The following NRG3 variants were observed in gnomAD, a reference collection of about 807,000 sequenced individuals.
NRG3 encodes pro-neuregulin-3, membrane-bound isoform.
NRG3 carries 31 observed loss-of-function variants against 66.9 expected under a neutral mutation model. That is an observed-to-expected ratio of 0.46 (90% confidence interval 0.35 to 0.63). The LOEUF (loss-of-function observed/expected upper bound fraction) is 0.63, where lower values mean the gene tolerates loss of function less well. Among genes scored for constraint, NRG3 ranks in the 20% least tolerant of loss-of-function variants. The probability of loss-of-function intolerance (pLI) is 0.00; values close to 1 mark genes in which losing one functional copy is unlikely to be tolerated. For synonymous variants in NRG3, 393 were observed against 359.4 expected, an observed-to-expected ratio of 1.09 and a Z score of -1.06; for missense variants, 910 against 878.9, an observed-to-expected ratio of 1.04 and a Z score of -0.45.
intron 1 of NRG3, among the ~76,000 whole-genome samples, chr10:81,915,084 A>C (rs1406432927): frequency 6.6e-6 from 1 of 152,210 alleles, no homozygotes; most frequent in Admixed American, 6.5e-5. Flanking sequence ...TAACTTATTA[A>C]AAGTTTGCTT....
chr10:82,789,141 A>G (rs1423311460), intron 3 of NRG3, among the ~76,000 whole-genome samples: 1 of 152,116 alleles, frequency 6.6e-6, no homozygotes, highest in African/African-American at 2.4e-5. Flanking sequence ...AATTTTCTTC[A>G]TATTCTTACC....
In NRG3 at chr10:82,726,222, T is replaced by C. The variant is rs146485391; in HGVS notation, c.954-12355T>C. 5.6e-3 allele frequency among the ~76,000 whole-genome samples: 859 copies of C among 152,276 alleles called. 4 individuals are homozygous for C. The highest frequency in any genetic ancestry group is 0.01 in the South Asian group (49 of 4,826). Reference sequence around the variant, plus strand: ...GGTATTTTGTTACAGCAGCCCAACCTGATTTATACAGTAACTTTAGGATGT... The same window carrying C: ...GGTATTTTGTTACAGCAGCCCAACCCGATTTATACAGTAACTTTAGGATGT... On this transcript the variant is annotated intron_variant, in intron 2 of 8. Transcript: ENST00000372141.
chr10:82,370,004 T>A (rs1045139818), intron 2 of NRG3, among the ~76,000 whole-genome samples: 3 of 138,248 alleles, frequency 2.2e-5, no homozygotes, highest in Non-Finnish European at 4.4e-5. Context: ...CGGGGGCAGG[T>A]GCTTTGGCTC....
At chr10:82,523,420 T>C (rs1846389536) in intron 2 of NRG3, among the ~76,000 whole-genome samples, 1 of 151,564 alleles carries the variant, frequency 6.6e-6, no homozygotes, top group Non-Finnish European at 1.5e-5. Context: ...TTCTAATAAT[T>C]GTCATTGTTT....
chr10:82,497,395 A>T (rs1843720504), intron 2 of NRG3, among the ~76,000 whole-genome samples: 1 of 152,180 alleles, frequency 6.6e-6, no homozygotes, highest in Non-Finnish European at 1.5e-5. Flanking sequence ...TCCAGCCCAG[A>T]ATAATCACCA....
intron 2 of NRG3, among the ~76,000 whole-genome samples, chr10:82,728,395 T>A (rs1294561682): frequency 6.6e-6 from 1 of 152,184 alleles, no homozygotes; most frequent in African/African-American, 2.4e-5. Context: ...GCTGTTCTCA[T>A]GATACTAAAT....
At chr10:82,695,297 G>A (rs1243999299) in intron 2 of NRG3, among the ~76,000 whole-genome samples, 3 of 151,832 alleles carry the variant, frequency 2.0e-5, no homozygotes, top group East Asian at 3.9e-4. Context: ...TTTGATTTCC[G>A]ATACTGTAAT....
chr10:81,909,122 G>A (rs900372351), intron 1 of NRG3, among the ~76,000 whole-genome samples: 1 of 152,150 alleles, frequency 6.6e-6, no homozygotes, highest in Admixed American at 6.5e-5. Context: ...AGATTCTAGT[G>A]GTTGCTGGCA....
At chr10:82,260,214 G>A (rs552825808) in intron 1 of NRG3, among the ~76,000 whole-genome samples, 87 of 152,288 alleles carry the variant, frequency 5.7e-4, no homozygotes, top group African/African-American at 1.9e-3. Context: ...AAAGAAATTA[G>A]CAAAATCACT....
At chr10:82,630,697 A>G (rs1342321007) in intron 2 of NRG3, among the ~76,000 whole-genome samples, 1 of 152,064 alleles carries the variant, frequency 6.6e-6, no homozygotes, top group Non-Finnish European at 1.5e-5. Flanking sequence ...AATTAAGTTG[A>G]AATAGTTTTA....
intron 3 of NRG3, among the ~76,000 whole-genome samples, chr10:82,769,666 A>C (rs2135157665): frequency 6.6e-6 from 1 of 152,234 alleles, no homozygotes; most frequent in East Asian, 1.9e-4. Flanking sequence ...TAAATTTTAA[A>C]CCTCAGCTGT....
intron 1 of NRG3, among the ~76,000 whole-genome samples, chr10:82,091,207 A>T (rs980930039): frequency 2.0e-4 from 30 of 152,158 alleles, no homozygotes; most frequent in African/African-American, 7.2e-4. Context: ...ATTGATCGGT[A>T]GTCTTAGATA....
At chr10:82,566,752 A>G (rs2045432366) in intron 2 of NRG3, among the ~76,000 whole-genome samples, 1 of 152,012 alleles carries the variant, frequency 6.6e-6, no homozygotes, top group Non-Finnish European at 1.5e-5. Flanking sequence ...ATTGGTAGTG[A>G]TAGATTAACT....
intron 2 of NRG3, among the ~76,000 whole-genome samples, chr10:82,392,723 A>G (rs1043210982): frequency 6.6e-6 from 1 of 152,138 alleles, no homozygotes; most frequent in African/African-American, 2.4e-5. Context: ...GACCTGGAAG[A>G]ATGCAGCATT....
intron 2 of NRG3, among the ~76,000 whole-genome samples, chr10:82,448,603 C>G (rs1296356977): frequency 6.6e-6 from 1 of 152,172 alleles, no homozygotes; most frequent in Non-Finnish European, 1.5e-5. Context: ...TCTCAATTCT[C>G]TCCCACAAAT....
intron 3 of NRG3, among the ~76,000 whole-genome samples, chr10:82,774,817 TTTTC>T (rs1449178629): frequency 9.8e-5 from 14 of 143,158 alleles, no homozygotes; most frequent in African/African-American, 3.6e-4. Context: ...CCTTTTTCTT[TTTTC>T]TTTTTTTTTT....
At chr10:82,125,927 T>C (rs1472243829) in intron 1 of NRG3, among the ~76,000 whole-genome samples, 2 of 152,084 alleles carry the variant, frequency 1.3e-5, no homozygotes, top group Non-Finnish European at 2.9e-5. Flanking sequence ...AATTAATCTA[T>C]TAGATAGCAA....
intron 2 of NRG3, among the ~76,000 whole-genome samples, chr10:82,360,251 A>G (rs569656093): frequency 6.6e-6 from 1 of 152,204 alleles, no homozygotes; most frequent in Non-Finnish European, 1.5e-5. Flanking sequence ...TATGGATACA[A>G]AGCACACAAG....
rs1374027522 is a variant in NRG3, at chr10:82,966,654, C to T, written c.1285-7134C>T. 2.0e-5 allele frequency among the ~76,000 whole-genome samples: 3 copies of T among 152,100 alleles called. No homozygotes were observed. In the East Asian group the frequency reaches 5.8e-4, roughly 29 times the overall value. ...TTAAGGAGTGGGGAGTTACGGTCTT[C>T]TTTCCTTATGGTTAAGTATCTACAT... On this transcript the variant is annotated intron_variant, in intron 6 of 8. Coordinates refer to ENST00000372141, the MANE Select transcript of NRG3 (RefSeq NM_001010848.4).
Sources: gnomAD v4.1 joint callset for allele counts (sites outside exome capture counted in the v4.1 genomes callset) on GRCh38, gnomAD v4.1.1 for gene constraint, MANE v1.5 for transcripts, NCBI Gene and HGNC (gene_info 2026-07-23, HGNC 2026-07-21) for gene names.